The following HYCC1 variants were observed in gnomAD, a reference collection of about 807,000 sequenced individuals.
HYCC1 encodes hyccin.
At chr7:22,913,091 T>A in the HYCC1 span, among the ~76,000 whole-genome samples, 2 of 150,298 alleles carry the variant, frequency 1.3e-5, no homozygotes, top group East Asian at 2.0e-4. Flanking sequence ...ACCACTGCAC[T>A]CCAGCCAGGG....
the HYCC1 span, among the ~76,000 whole-genome samples, chr7:22,971,609 G>A: frequency 6.6e-6 from 1 of 150,948 alleles, no homozygotes; most frequent in Admixed American, 6.6e-5. Context: ...CTGGGAGGCG[G>A]AGGTTACAGT....
chr7:22,899,874 G>A, the HYCC1 span, among the ~76,000 whole-genome samples: 1 of 151,654 alleles, frequency 6.6e-6, no homozygotes, highest in East Asian at 1.9e-4. Context: ...TTAAAGAAAA[G>A]TTATGGTTGT....
At chr7:22,953,365 A>T in the HYCC1 span, among the ~76,000 whole-genome samples, 1 of 151,966 alleles carries the variant, frequency 6.6e-6, no homozygotes, top group Non-Finnish European at 1.5e-5. Flanking sequence ...ATAATAAAAA[A>T]TAATAACTTT....
chr7:22,925,517 G>A, the HYCC1 span, among the ~76,000 whole-genome samples: 6 of 152,206 alleles, frequency 3.9e-5, 1 homozygote, highest in East Asian at 3.8e-4. Flanking sequence ...ACCACGGCAC[G>A]AGAACTACGT....
the HYCC1 span, among the ~76,000 whole-genome samples, chr7:22,970,362 T>C: frequency 1.3e-5 from 2 of 152,162 alleles, no homozygotes; most frequent in Non-Finnish European, 2.9e-5. Context: ...TAAATCTGAG[T>C]TGAAGAGCTC....
At chr7:22,963,637 C>T in the HYCC1 span, among the ~76,000 whole-genome samples, 1 of 152,154 alleles carries the variant, frequency 6.6e-6, no homozygotes, top group East Asian at 1.9e-4. Flanking sequence ...GTATTTTAGG[C>T]TTGTGGGCCG....
chr7:22,982,009 TACAA>T, the HYCC1 span, among the ~76,000 whole-genome samples: 11 of 152,338 alleles, frequency 7.2e-5, no homozygotes, highest in South Asian at 6.2e-4. Flanking sequence ...AAATTTATCC[TACAA>T]ACACTTTCCA....
chr7:22,959,539 C>T, the HYCC1 span, among the ~76,000 whole-genome samples: 3 of 152,016 alleles, frequency 2.0e-5, no homozygotes, highest in Admixed American at 1.3e-4. Context: ...GTGATAATTT[C>T]CTTCTTAGAC....
At chr7:22,982,235 AGCCTACCT>A in the HYCC1 span, among the ~76,000 whole-genome samples, 1 of 152,254 alleles carries the variant, frequency 6.6e-6, no homozygotes, top group Admixed American at 6.5e-5. Context: ...TCAAGAAAAC[AGCCTACCT>A]GTGCATTCTA....
the HYCC1 span, among the ~76,000 whole-genome samples, chr7:22,996,597 T>TAAA: frequency 1.6e-4 from 17 of 106,552 alleles, no homozygotes; most frequent in African/African-American, 4.7e-4. Flanking sequence ...GTACAATTGT[T>TAAA]AAAAAAAAAA....
At chr7:22,994,619 T>C in the HYCC1 span, among the ~76,000 whole-genome samples, 1 of 152,178 alleles carries the variant, frequency 6.6e-6, no homozygotes, top group African/African-American at 2.4e-5. Flanking sequence ...GCCCTCATTG[T>C]ATAGCTGAGC....
the HYCC1 span, among the ~76,000 whole-genome samples, chr7:22,995,870 C>A: frequency 6.6e-6 from 1 of 152,106 alleles, no homozygotes; most frequent in East Asian, 1.9e-4. Context: ...GCAAGCACTG[C>A]CTTGATCTAA....
At chr7:22,975,890 A>T in the HYCC1 span, among the ~76,000 whole-genome samples, 1 of 151,874 alleles carries the variant, frequency 6.6e-6, no homozygotes, top group Non-Finnish European at 1.5e-5. Flanking sequence ...CTGATTTTTT[A>T]AAATTTGTTA....
chr7:23,001,161 A>G, the HYCC1 span, among the ~76,000 whole-genome samples: 1 of 152,182 alleles, frequency 6.6e-6, no homozygotes, highest in African/African-American at 2.4e-5. Context: ...ATAATGACTA[A>G]CATTCCTCAA....
the HYCC1 span, among the ~76,000 whole-genome samples, chr7:22,926,090 T>A: frequency 3.3e-5 from 5 of 152,242 alleles, no homozygotes; most frequent in East Asian, 9.6e-4. Flanking sequence ...CTAAGCTTCA[T>A]AAGTGAAGGA....
At chr7:22,978,523 T>G in the HYCC1 span, 1 of 1,202,232 alleles carries the variant, frequency 8.3e-7, no homozygotes, top group Non-Finnish European at 1.2e-6. Context: ...GTATAAAAGG[T>G]TTTCTCAGAT....
chr7:23,004,898 C>T, the HYCC1 span, among the ~76,000 whole-genome samples: 1 of 152,164 alleles, frequency 6.6e-6, no homozygotes, highest in South Asian at 2.1e-4. Context: ...CAGTGCCTCC[C>T]GGGTTCAAGC....
At chr7:22,996,046 G>A in the HYCC1 span, among the ~76,000 whole-genome samples, 4 of 152,218 alleles carry the variant, frequency 2.6e-5, no homozygotes, top group African/African-American at 7.2e-5. Context: ...TGTAATCCCA[G>A]CACTTTGGGA....
At chr7:22,979,684 T>C in the HYCC1 span, among the ~76,000 whole-genome samples, 1 of 152,144 alleles carries the variant, frequency 6.6e-6, no homozygotes, top group Non-Finnish European at 1.5e-5. Flanking sequence ...TCAATTGAGA[T>C]AGTCTAACAA....
Sources: gnomAD v4.1 joint callset for allele counts (sites outside exome capture counted in the v4.1 genomes callset) on GRCh38, gnomAD v4.1.1 for gene constraint, MANE v1.5 for transcripts, NCBI Gene and HGNC (gene_info 2026-07-23, HGNC 2026-07-21) for gene names.